The following CPQ variants were observed in gnomAD, a reference collection of about 807,000 sequenced individuals.
CPQ encodes carboxypeptidase Q, also known as Ser-Met dipeptidase.
Under a neutral mutation model 45.7 loss-of-function variants are expected in CPQ, and 37 were observed. The ratio of observed to expected loss-of-function variants is 0.81; its 90% CI spans 0.62 to 1.07. The LOEUF is 1.07. Among genes scored for constraint, CPQ ranks in the 50% least tolerant of loss-of-function variants. CPQ has a pLI of 0.00. For missense variants in CPQ, 537 were observed against 572.9 expected (o/e 0.94, Z 0.64); for synonymous variants, 186 against 205.8 (o/e 0.90, Z 0.82).
At chr8:96,915,552 C>T (rs1050273118) in intron 4 of CPQ, among the ~76,000 whole-genome samples, 7 of 152,142 alleles carry the variant, frequency 4.6e-5, no homozygotes, top group African/African-American at 1.7e-4. Context: ...TTGGGTTTTT[C>T]CATACTTATT....
At chr8:96,955,604 C>G (rs538333310) in intron 4 of CPQ, among the ~76,000 whole-genome samples, 1 of 152,212 alleles carries the variant, frequency 6.6e-6, no homozygotes, top group South Asian at 2.1e-4. Context: ...GGAGGCATCA[C>G]GCTACCTGAC....
At chr8:96,971,629 A>G (rs901203615) in intron 5 of CPQ, among the ~76,000 whole-genome samples, 1 of 152,212 alleles carries the variant, frequency 6.6e-6, no homozygotes, top group Non-Finnish European at 1.5e-5. Context: ...CTGGTCCTCA[A>G]TATGTTTAGT....
chr8:96,841,435 G>A (rs1811607034), intron 3 of CPQ, among the ~76,000 whole-genome samples: 1 of 152,164 alleles, frequency 6.6e-6, no homozygotes, highest in Admixed American at 6.5e-5. Flanking sequence ...TAATTCAAAA[G>A]GTAACTCTAC....
chr8:96,670,362 T>G (rs1808986904), intron 1 of CPQ, among the ~76,000 whole-genome samples: 1 of 148,396 alleles, frequency 6.7e-6, no homozygotes, highest in Non-Finnish European at 1.5e-5. Context: ...TGTGCACAAA[T>G]GACTGCAAAA....
intron 1 of CPQ, among the ~76,000 whole-genome samples, chr8:96,734,264 A>G (rs1809949243): frequency 6.6e-6 from 1 of 152,048 alleles, no homozygotes; most frequent in South Asian, 2.1e-4. Context: ...CTCCATCTCT[A>G]CAATCTTCTC....
intron 1 of CPQ, among the ~76,000 whole-genome samples, chr8:96,771,676 T>G (rs886307468): frequency 6.6e-6 from 1 of 152,190 alleles, no homozygotes; most frequent in African/African-American, 2.4e-5. Flanking sequence ...CTCAAGACAG[T>G]ACCTATTTAC....
At chr8:96,680,263 C>T (rs151175562) in intron 1 of CPQ, among the ~76,000 whole-genome samples, 1 of 152,046 alleles carries the variant, frequency 6.6e-6, no homozygotes, top group Non-Finnish European at 1.5e-5. Context: ...AGTTTTAGTT[C>T]ATTGTTGAAA....
rs563574270 is a variant in CPQ at position 96,991,738 on chromosome 8, A to G, written c.961+25692A>G. ...AGAACCCTAGTAGGACATGTACTGT[A>G]TTAACTGGTTGGTTGACTGAGCAAT... On this transcript the variant is annotated intron_variant, in intron 5 of 7. Coordinates refer to ENST00000220763, the MANE Select transcript of CPQ (RefSeq NM_016134.4). Among the ~76,000 whole-genome samples, 8 of 152,262 alleles carry G rather than the reference A, an allele frequency of 5.3e-5. No individual in the cohort carries two copies. The South Asian group carries it at 1.7e-3, about 32-fold the overall frequency.
At chr8:96,953,496 T>C (rs964585671) in intron 4 of CPQ, among the ~76,000 whole-genome samples, 25 of 152,124 alleles carry the variant, frequency 1.6e-4, no homozygotes, top group African/African-American at 6.0e-4. Context: ...CAGTCTTCTC[T>C]TCTCCAGTGT....
chr8:96,944,716 T>C (rs1486809092), intron 4 of CPQ, among the ~76,000 whole-genome samples: 1 of 152,166 alleles, frequency 6.6e-6, no homozygotes, highest in Non-Finnish European at 1.5e-5. Flanking sequence ...AAAATATTGG[T>C]TTGAAAAATG....
chr8:96,739,827 G>C (rs1484511384), intron 1 of CPQ, among the ~76,000 whole-genome samples: 1 of 150,894 alleles, frequency 6.6e-6, no homozygotes, highest in East Asian at 1.9e-4. Context: ...CTATATCTCT[G>C]TTTTGGTACC....
intron 7 of CPQ, 59 bp from the exon 8 acceptor site, chr8:97,142,961 T>C: frequency 3.9e-6 from 6 of 1,526,448 alleles, no homozygotes; most frequent in South Asian, 1.2e-5. Flanking sequence ...GGGAGAGGTG[T>C]GTATTCAGCA....
intron 6 of CPQ, among the ~76,000 whole-genome samples, chr8:97,042,317 G>A (rs1334408585): frequency 3.3e-5 from 5 of 151,752 alleles, no homozygotes; most frequent in Non-Finnish European, 5.9e-5. Context: ...TATTTCTGTG[G>A]GATCGGTGGT....
intron 5 of CPQ, among the ~76,000 whole-genome samples, chr8:96,990,206 A>G (rs1809064046): frequency 6.6e-6 from 1 of 152,134 alleles, no homozygotes; most frequent in South Asian, 2.1e-4. Flanking sequence ...CTTCCAGCCC[A>G]AATTGATGTC....
chr8:96,884,227 C>T (rs1249836289), intron 4 of CPQ, among the ~76,000 whole-genome samples: 1 of 152,156 alleles, frequency 6.6e-6, no homozygotes, highest in Admixed American at 6.5e-5. Context: ...CACTGTCCTA[C>T]AGTCAGGTAT....
At chr8:96,712,641 G>C (rs907896002) in intron 1 of CPQ, among the ~76,000 whole-genome samples, 1 of 152,222 alleles carries the variant, frequency 6.6e-6, no homozygotes, top group African/African-American at 2.4e-5. Flanking sequence ...CATAGCTGGA[G>C]CTGAAGCAGC....
chr8:96,660,925 A>G (rs535322216), intron 1 of CPQ, among the ~76,000 whole-genome samples: 50 of 152,250 alleles, frequency 3.3e-4, no homozygotes, highest in African/African-American at 1.1e-3. Context: ...TTTACTTTAT[A>G]TAAGTACTGA....
intron 4 of CPQ, among the ~76,000 whole-genome samples, chr8:96,938,175 T>C (rs1315116014): frequency 6.6e-6 from 1 of 152,214 alleles, no homozygotes; most frequent in Non-Finnish European, 1.5e-5. Context: ...TTTCTATGCT[T>C]GCATATCCAT....
At chr8:97,006,308 T>C (rs1200617222) in intron 5 of CPQ, among the ~76,000 whole-genome samples, 1 of 152,156 alleles carries the variant, frequency 6.6e-6, no homozygotes, top group Non-Finnish European at 1.5e-5. Flanking sequence ...TTTAAGTCTC[T>C]TCCCGTGTCT....
Sources: allele counts gnomAD v4.1 joint callset (sites outside exome capture counted in the v4.1 genomes callset), GRCh38; gene constraint gnomAD v4.1.1; transcripts MANE v1.5; gene names NCBI Gene and HGNC (gene_info 2026-07-23, HGNC 2026-07-21).